Variants in ZNF521 observed in about 807,000 individuals in gnomAD.
ZNF521 encodes the protein zinc finger protein 521.
In ZNF521, 14 loss-of-function variants were observed where a neutral mutation model predicts 105.5. That is an observed-to-expected ratio of 0.13 (90% CI 0.09 to 0.21). The LOEUF is 0.21. ZNF521 is among the 10% of genes least tolerant of loss of function. ZNF521 has a pLI of 1.00. For missense variants in ZNF521, 1,233 were observed against 1,629.7 expected (o/e 0.76, Z 4.19); for synonymous variants, 635 against 606.0 (o/e 1.05, Z -0.70).
At chr18:25,235,969 A>G (rs1193571543) in intron 3 of ZNF521, among the ~76,000 whole-genome samples, 1 of 152,214 alleles carries the variant, frequency 6.6e-6, no homozygotes, top group Non-Finnish European at 1.5e-5. Context: ...AACTGACCTC[A>G]GTACCAGTTC....
At chr18:25,267,339 T>G (rs995243744) in intron 3 of ZNF521, among the ~76,000 whole-genome samples, 10 of 152,178 alleles carry the variant, frequency 6.6e-5, no homozygotes, top group Non-Finnish European at 7.4e-5. Context: ...AAGGGTCAGC[T>G]GTGGATGCAG....
intron 3 of ZNF521, among the ~76,000 whole-genome samples, chr18:25,249,103 A>C (rs2144836642): frequency 6.6e-6 from 1 of 152,086 alleles, no homozygotes; most frequent in African/African-American, 2.4e-5. Context: ...ACCCTCTCTC[A>C]CATAGCAAGA....
At chr18:25,176,971 G>GC (rs1221951319) in intron 5 of ZNF521, among the ~76,000 whole-genome samples, 1 of 152,182 alleles carries the variant, frequency 6.6e-6, no homozygotes, top group African/African-American at 2.4e-5. Flanking sequence ...GCACTTACCA[G>GC]CCCCCTTCTC....
intron 5 of ZNF521, among the ~76,000 whole-genome samples, chr18:25,171,904 C>T (rs952445975): frequency 1.3e-5 from 2 of 152,042 alleles, no homozygotes; most frequent in South Asian, 4.1e-4. Context: ...AAACTTTTCA[C>T]ATGAAACAAA....
intron 5 of ZNF521, among the ~76,000 whole-genome samples, chr18:25,139,963 G>T (rs973831757): frequency 6.6e-6 from 1 of 152,130 alleles, no homozygotes; most frequent in African/African-American, 2.4e-5. Context: ...CACTGTCTAT[G>T]AAGCAGGAAG....
At chr18:25,165,786 A>G (rs1026799619) in intron 5 of ZNF521, among the ~76,000 whole-genome samples, 2 of 152,232 alleles carry the variant, frequency 1.3e-5, no homozygotes, top group East Asian at 1.9e-4. Flanking sequence ...GCCATTTTCC[A>G]TATGGTTAAT....
intron 7 of ZNF521, among the ~76,000 whole-genome samples, chr18:25,078,454 A>G (rs1242777954): frequency 6.6e-6 from 1 of 152,172 alleles, no homozygotes; most frequent in African/African-American, 2.4e-5. Context: ...GATGAACGAG[A>G]CGATGTGACT....
chr18:25,129,945 A>G (rs2034609986), intron 5 of ZNF521, among the ~76,000 whole-genome samples: 1 of 152,200 alleles, frequency 6.6e-6, no homozygotes, highest in African/African-American at 2.4e-5. Flanking sequence ...TATAAAGCTA[A>G]GCATAATATT....
rs528050035 is a variant in ZNF521 at position 25,306,399 on chromosome 18, G to C, written c.220+15609C>G. Among the ~76,000 whole-genome samples, 6 of 152,210 alleles carry C rather than the reference G, an allele frequency of 3.9e-5. No homozygotes were observed. The East Asian group carries it at 9.7e-4, about 25-fold the overall frequency. ...GTCTGGTAATTTCTTTTTTGGGGGG[G>C]AAAGGTGGGCATAACCAGTAATTCC... is the stretch of plus-strand genomic sequence containing the variant. On this transcript the variant is annotated intron_variant, in intron 3 of 7. Coordinates refer to ENST00000361524, the MANE Select transcript of ZNF521 (RefSeq NM_015461.3).
At chr18:25,188,201 C>G (rs1175862182) in intron 5 of ZNF521, among the ~76,000 whole-genome samples, 2 of 152,192 alleles carry the variant, frequency 1.3e-5, no homozygotes, top group African/African-American at 4.8e-5. Context: ...AGGCGCCATC[C>G]TGAGAGCTGT....
At chr18:25,119,536 T>C (rs1444406891) in intron 5 of ZNF521, among the ~76,000 whole-genome samples, 2 of 151,794 alleles carry the variant, frequency 1.3e-5, no homozygotes, top group Non-Finnish European at 2.9e-5. Context: ...ATCTCAAATA[T>C]TTGGAAATTA....
intron 6 of ZNF521, among the ~76,000 whole-genome samples, 172 bp downstream of exon 6, chr18:25,091,778 T>C (rs1225653601): frequency 6.6e-6 from 1 of 152,222 alleles, no homozygotes; most frequent in African/African-American, 2.4e-5. Flanking sequence ...TGTGAGCCTT[T>C]AAGTAGGCTG....
intron 5 of ZNF521, among the ~76,000 whole-genome samples, chr18:25,160,658 C>T (rs142743621): frequency 8.7e-4 from 132 of 152,292 alleles, no homozygotes; most frequent in African/African-American, 3.1e-3. Flanking sequence ...GTGTTCTTTA[C>T]AGCACTTTGT....
chr18:25,159,975 T>C (rs377266422), intron 5 of ZNF521, among the ~76,000 whole-genome samples: 12 of 152,106 alleles, frequency 7.9e-5, no homozygotes, highest in African/African-American at 1.4e-4. Flanking sequence ...CATAAAATAA[T>C]GTGTCATTAG....
At chr18:25,137,817 T>C (rs2034765180) in intron 5 of ZNF521, among the ~76,000 whole-genome samples, 3 of 152,118 alleles carry the variant, frequency 2.0e-5, no homozygotes, top group Admixed American at 1.3e-4. Context: ...GAGACTTCCA[T>C]GTGTTAGTTA....
In ZNF521 at chr18:25,252,653, T is replaced by A. The variant is rs1378272656; in HGVS notation, c.221-24956A>T. ...TTTTCCCTGGATATATCTGAAGAAGTTAAAATTGCTGCCTTTTCTGTGTCC... is the reference window on the plus strand; with the variant it reads ...TTTTCCCTGGATATATCTGAAGAAGATAAAATTGCTGCCTTTTCTGTGTCC... On this transcript the variant is annotated intron_variant, in intron 3 of 7. Coordinates refer to ENST00000361524, the MANE Select transcript of ZNF521 (RefSeq NM_015461.3). Among the ~76,000 whole-genome samples the A allele has an allele frequency of 2.0e-5, 3 of 152,170 alleles. No homozygotes were observed. The East Asian group carries it at 5.8e-4, about 29-fold the overall frequency.
intron 5 of ZNF521, among the ~76,000 whole-genome samples, chr18:25,133,900 A>C (rs1204297040): frequency 6.6e-6 from 1 of 152,156 alleles, no homozygotes; most frequent in Non-Finnish European, 1.5e-5. Flanking sequence ...TATAGCTCAA[A>C]AATAGCTGTG....
intron 2 of ZNF521, among the ~76,000 whole-genome samples, chr18:25,349,586 T>C (rs1393135698): frequency 6.6e-6 from 1 of 152,014 alleles, no homozygotes; most frequent in African/African-American, 2.4e-5. Context: ...AGTTCAAAAA[T>C]GCACAGCGGC....
chr18:25,109,744 C>T (rs1421407155), intron 5 of ZNF521, among the ~76,000 whole-genome samples: 2 of 152,124 alleles, frequency 1.3e-5, no homozygotes, highest in Non-Finnish European at 2.9e-5. Flanking sequence ...ACTTGTATGT[C>T]TTCTTTTGAG....
Sources: allele counts gnomAD v4.1 joint callset (sites outside exome capture counted in the v4.1 genomes callset), GRCh38; gene constraint gnomAD v4.1.1; transcripts MANE v1.5; gene names NCBI Gene and HGNC (gene_info 2026-07-23, HGNC 2026-07-21).